Variants in NWD2 observed in about 807,000 individuals in gnomAD.
NWD2 encodes the protein NACHT and WD repeat domain containing 2.
In NWD2, 37 loss-of-function variants were observed where a neutral mutation model predicts 132.7. The ratio of observed to expected loss-of-function variants is 0.28; its 90% CI spans 0.21 to 0.37. The LOEUF (loss-of-function observed/expected upper bound fraction) is 0.37, where lower values mean the gene tolerates loss of function less well. Ranked by LOEUF, NWD2 falls within the 10% of genes least tolerant of loss-of-function variation. NWD2 has a pLI of 1.00. For synonymous variants in NWD2, 705 were observed against 803.0 expected (o/e 0.88, Z 2.06); for missense variants, 1,592 against 2,122.4 (o/e 0.75, Z 4.91).
intron 3 of NWD2, among the ~76,000 whole-genome samples, chr4:37,391,689 C>T (rs1720681599): frequency 6.6e-6 from 1 of 152,052 alleles, no homozygotes; most frequent in Middle Eastern, 3.4e-3. Context: ...TGTCAGAGTC[C>T]CAAAAGACCT....
intron 1 of NWD2, among the ~76,000 whole-genome samples, chr4:37,287,815 C>G (rs897293054): frequency 1.3e-5 from 2 of 152,194 alleles, no homozygotes; most frequent in African/African-American, 4.8e-5. Flanking sequence ...TTAATGGGTC[C>G]TGTTCCCAAA....
intron 1 of NWD2, among the ~76,000 whole-genome samples, chr4:37,259,882 T>TGA (rs993311863): frequency 6.6e-6 from 1 of 152,166 alleles, no homozygotes; most frequent in Admixed American, 6.5e-5. Flanking sequence ...AGAAGAGAGA[T>TGA]GAGATTTCCG....
rs561945097 is a variant in NWD2, at chr4:37,381,009, T to C, written c.357+24527T>C. On this transcript the variant is annotated intron_variant, in intron 3 of 6. Coordinates refer to ENST00000309447, the MANE Select transcript of NWD2 (RefSeq NM_001144990.2). ...GATTAAAATCTCACCTTTTTTATGA[T>C]AAAGCTATTGAAGGAAATGACTTAG... Among the ~76,000 whole-genome samples, 157 of 152,306 alleles carry C rather than the reference T, an allele frequency of 1.0e-3. 1 individual carries two copies. Among genetic ancestry groups the C allele is most frequent in the African/African-American group, 3.6e-3 (150 of 41,568 alleles).
chr4:37,302,108 C>T (rs1010252170), intron 1 of NWD2, among the ~76,000 whole-genome samples: 2 of 151,616 alleles, frequency 1.3e-5, no homozygotes, highest in Non-Finnish European at 2.9e-5. Context: ...TCTCTTTATT[C>T]CCTTACCATC....
At chr4:37,380,055 T>G (rs1720422822) in intron 3 of NWD2, among the ~76,000 whole-genome samples, 1 of 152,256 alleles carries the variant, frequency 6.6e-6, no homozygotes, top group Non-Finnish European at 1.5e-5. Context: ...ATTAATGCAT[T>G]TCATTGATTG....
chr4:37,283,294 A>C (rs1718165562), intron 1 of NWD2, among the ~76,000 whole-genome samples: 1 of 152,230 alleles, frequency 6.6e-6, no homozygotes. Flanking sequence ...TTAGGAAAAA[A>C]TTACCCTGAG....
intron 1 of NWD2, among the ~76,000 whole-genome samples, chr4:37,316,007 T>G (rs1439219591): frequency 6.6e-6 from 1 of 152,042 alleles, no homozygotes; most frequent in Non-Finnish European, 1.5e-5. Flanking sequence ...ATGTGTATGT[T>G]AAAATCCAAA....
Position 37,444,502 on chromosome 4 carries a change from G to T in NWD2, c.2514G>T (p.Leu838Phe). ...ATCATCGGAAAATGTCTGAGCTGTT[G>T]TACCACTTGACGAGGTGTGGAAAAA... Reference protein sequence around the residue: ...FVNHRKMSELLYHLTRCGKTD... With the variant: ...FVNHRKMSELFYHLTRCGKTD... Residue 838 changes from leucine to phenylalanine, a missense_variant, in exon 7 of 7, where the codon TTG (leucine) becomes TTT (phenylalanine). Physicochemically the swap from Leu to Phe is conservative, Grantham distance 22. Coordinates refer to ENST00000309447, the MANE Select transcript of NWD2 (RefSeq NM_001144990.2). This position sits in a 1 kb window ranked among gnomAD's most constrained non-coding sequence, Gnocchi z 4.8. 6.4e-7 allele frequency: 1 copy of T among 1,551,762 alleles called. No homozygotes were observed. The highest frequency in any genetic ancestry group is 8.7e-7 in the Non-Finnish European group (1 of 1,147,014).
At chr4:37,420,445 G>A (rs1398389047) in intron 3 of NWD2, among the ~76,000 whole-genome samples, 1 of 152,172 alleles carries the variant, frequency 6.6e-6, no homozygotes, top group Non-Finnish European at 1.5e-5. Flanking sequence ...CAGCACTTTG[G>A]GAGGCTCAGG....
chr4:37,391,645 G>C (rs1359185333), intron 3 of NWD2, among the ~76,000 whole-genome samples: 1 of 152,092 alleles, frequency 6.6e-6, no homozygotes, highest in Non-Finnish European at 1.5e-5. Flanking sequence ...ATGGGTATGT[G>C]GGTTTCTCTT....
chr4:37,309,256 C>T lies in NWD2; in HGVS notation c.152-16680C>T, dbSNP rs574292811. On this transcript the variant is annotated intron_variant, in intron 1 of 6. Transcript: ENST00000309447. The stretch of plus-strand genomic sequence containing the variant: ...TCCTAGGGCCTTTGGGGAGTGCACA[C>T]GAGCATGTGGCAGTTCTGCTGGTCA... 5.3e-5 allele frequency among the ~76,000 whole-genome samples: 8 copies of T among 152,284 alleles called. No individual in the cohort carries two copies. In the East Asian group the frequency reaches 5.8e-4, roughly 11 times the overall value.
intron 1 of NWD2, among the ~76,000 whole-genome samples, chr4:37,319,990 A>T (rs1216332225): frequency 6.6e-6 from 1 of 152,182 alleles, no homozygotes; most frequent in Non-Finnish European, 1.5e-5. Flanking sequence ...ATTTTAGAAT[A>T]GTTTTTTATA....
At chr4:37,366,324 C>A (rs1352377612) in intron 3 of NWD2, among the ~76,000 whole-genome samples, 1 of 152,078 alleles carries the variant, frequency 6.6e-6, no homozygotes, top group Non-Finnish European at 1.5e-5. Flanking sequence ...CGAGCCGCGG[C>A]CCAGTTCAGT....
At chr4:37,275,363 T>C (rs1240186258) in intron 1 of NWD2, among the ~76,000 whole-genome samples, 1 of 151,996 alleles carries the variant, frequency 6.6e-6, no homozygotes, top group Non-Finnish European at 1.5e-5. Flanking sequence ...GGAATCCAAC[T>C]TACAAGGGAT....
chr4:37,323,497 C>G (rs1335743383), intron 1 of NWD2, among the ~76,000 whole-genome samples: 1 of 152,112 alleles, frequency 6.6e-6, no homozygotes, highest in East Asian at 1.9e-4. Context: ...GAGATACATT[C>G]TCATACCAGT....
rs564818613 is a variant in NWD2, at chr4:37,247,691, CCTCCACCTCCCGG to C, written c.151+2479_151+2491del. The stretch of plus-strand genomic sequence containing the variant: ...GTGGCGCAATCTCGGCTCACTGCAA[CCTCCACCTCCCGG>C]CTCCAAGCTATTCTCCTGCCTCAGC... On this transcript the variant is annotated intron_variant, in intron 1 of 6. Transcript: ENST00000309447. Among the ~76,000 whole-genome samples the C allele has an allele frequency of 3.0e-3, 450 of 152,044 alleles. 1 individual carries two copies. The highest frequency in any genetic ancestry group is 6.8e-3 in the Middle Eastern group (2 of 294).
Position 37,245,442 on chromosome 4 carries a change from C to G in NWD2, c.151+224C>G, listed in dbSNP as rs541397280. On this transcript the variant is annotated intron_variant, in intron 1 of 6. Coordinates refer to ENST00000309447, the MANE Select transcript of NWD2 (RefSeq NM_001144990.2). ...TTCTATTAGGACACCCATTCTCCAC[C>G]CCGGGTTATTCCCCTGGGTCAATCC... Among the ~76,000 whole-genome samples, 5 of 152,256 alleles carry G rather than the reference C, an allele frequency of 3.3e-5. No individual in the cohort carries two copies. The East Asian group carries it at 5.8e-4, about 18-fold the overall frequency.
chr4:37,265,478 G>C (rs1170752530), intron 1 of NWD2, among the ~76,000 whole-genome samples: 1 of 152,100 alleles, frequency 6.6e-6, no homozygotes, highest in Non-Finnish European at 1.5e-5. Flanking sequence ...CAGTTTCACT[G>C]GTCTGAAGTC....
intron 2 of NWD2, among the ~76,000 whole-genome samples, chr4:37,338,221 A>G (rs1719449143): frequency 6.6e-6 from 1 of 152,166 alleles, no homozygotes; most frequent in South Asian, 2.1e-4. Flanking sequence ...CAGAGTCAGG[A>G]TTTTTACCTT....
Sources: gnomAD v4.1 joint callset for allele counts (sites outside exome capture counted in the v4.1 genomes callset) on GRCh38, gnomAD v4.1.1 for gene constraint, Gnocchi (gnomAD v3.1) non-coding constraint, MANE v1.5 for transcripts, NCBI Gene and HGNC (gene_info 2026-07-23, HGNC 2026-07-21) for gene names.